DMD: variants seen among roughly 807,000 people sequenced by gnomAD.
DMD encodes the protein dystrophin.
DMD carries 63 observed loss-of-function variants against 330.1 expected under a neutral mutation model. The ratio of observed to expected loss-of-function variants is 0.19; its 90% CI spans 0.16 to 0.24. The LOEUF (loss-of-function observed/expected upper bound fraction) is 0.24, where lower values mean the gene tolerates loss of function less well. Ranked by LOEUF, DMD falls within the 10% of genes least tolerant of loss-of-function variation. The pLI, the probability that DMD is intolerant of heterozygous loss-of-function variation, is 1.00. For synonymous variants in DMD, 1,223 were observed against 959.8 expected (o/e 1.27, Z -5.07); for missense variants, 3,344 against 2,684.1 (o/e 1.25, Z -5.43).
At chrX:31,866,201 G>C (rs2093796689) in intron 48 of DMD, among the ~76,000 whole-genome samples, 1 of 110,934 alleles carries the variant, frequency 9.0e-6, no homozygotes, top group African/African-American at 3.3e-5. Flanking sequence ...ACCCGTACCT[G>C]CTCCATCTCT....
chrX:32,354,305 T>C (rs1208237017), intron 37 of DMD, among the ~76,000 whole-genome samples: 1 of 111,526 alleles, frequency 9.0e-6, no homozygotes, highest in African/African-American at 3.2e-5. Flanking sequence ...CTTTTTCCAT[T>C]CTGCAGCTTT....
intron 1 of DMD, among the ~76,000 whole-genome samples, chrX:33,184,513 C>T (rs745806643): frequency 6.4e-4 from 71 of 110,747 alleles, no homozygotes; most frequent in Middle Eastern, 4.7e-3. Flanking sequence ...TCACTCAAAA[C>T]AATTGTTTAA....
At chrX:32,949,966 A>T (rs1602154003) in intron 2 of DMD, among the ~76,000 whole-genome samples, 1 of 38,333 alleles carries the variant, frequency 2.6e-5, no homozygotes. Context: ...GTGCAGAGGC[A>T]AAAAAAAAAA....
At chrX:32,792,790 A>G (rs1470874453) in intron 7 of DMD, among the ~76,000 whole-genome samples, 1 of 112,355 alleles carries the variant, frequency 8.9e-6, no homozygotes, top group Non-Finnish European at 1.9e-5. Flanking sequence ...CATACACCCA[A>G]CACGAGAGCT....
In DMD at chrX:32,212,231, C is replaced by A. The variant is rs139580632; in HGVS notation, c.6438+4685G>T. Among the ~76,000 whole-genome samples, 244 of 111,830 alleles carry A rather than the reference C, an allele frequency of 2.2e-3. No individual in the cohort carries two copies. In the East Asian group the frequency reaches 0.047, roughly 21 times the overall value. ...TTTTCCTCAATTCCTAATCCAAGAG[C>A]CCTTATGCTTTGAGAAGAAATTATA... On this transcript the variant is annotated intron_variant, in intron 44 of 78. Transcript: ENST00000357033.
intron 61 of DMD, among the ~76,000 whole-genome samples, chrX:31,330,508 G>C (rs992995617): frequency 9.0e-6 from 1 of 111,436 alleles, no homozygotes; most frequent in Non-Finnish European, 1.9e-5. Flanking sequence ...TAGACGGAGG[G>C]GAAGCAAGCA....
intron 61 of DMD, among the ~76,000 whole-genome samples, chrX:31,335,357 TATTC>T (rs2057357758): frequency 8.9e-6 from 1 of 112,565 alleles, no homozygotes; most frequent in South Asian, 3.7e-4. Context: ...AGTGCCCAGT[TATTC>T]ATTCAATCAA....
intron 60 of DMD, among the ~76,000 whole-genome samples, chrX:31,442,433 T>C (rs12689288): frequency 0.06 from 6,700 of 111,284 alleles, 307 homozygotes; most frequent in African/African-American, 0.15. Context: ...CCTGTACTTA[T>C]AACCAAGTTT....
In DMD at chrX:31,859,337, A is replaced by G. The variant is rs144724738; in HGVS notation, c.7098+15851T>C. 6.9e-3 allele frequency among the ~76,000 whole-genome samples: 772 copies of G among 111,943 alleles called. 6 individuals are homozygous for G. The highest frequency in any genetic ancestry group is 0.024 in the African/African-American group (733 of 30,816). ...ATCACTATTTCAGAGTGAGATGATA[A>G]TTTTTTCTCACTGCCCAGTATGGGA... On this transcript the variant is annotated intron_variant, in intron 48 of 78. Transcript: ENST00000357033.
intron 26 of DMD, among the ~76,000 whole-genome samples, chrX:32,451,410 AT>A (rs763245744): frequency 5.1e-4 from 56 of 110,687 alleles, no homozygotes; most frequent in South Asian, 1.9e-3. Flanking sequence ...TTAAAAAAAA[AT>A]AAAACCAGTT....
chrX:31,822,494 T>C (rs2092783444), intron 49 of DMD, among the ~76,000 whole-genome samples: 1 of 111,383 alleles, frequency 9.0e-6, no homozygotes, highest in Non-Finnish European at 1.9e-5. Flanking sequence ...TAGATGGAAG[T>C]GTTTAGAGAA....
chrX:32,625,423 CA>C (rs2058284822), intron 11 of DMD, among the ~76,000 whole-genome samples: 1 of 111,369 alleles, frequency 9.0e-6, no homozygotes, highest in South Asian at 3.8e-4. Context: ...TATTGGACAG[CA>C]CAGCTATAAA....
chrX:31,643,799 T>C (rs969441762), intron 54 of DMD, among the ~76,000 whole-genome samples: 9 of 112,027 alleles, frequency 8.0e-5, no homozygotes, highest in African/African-American at 2.6e-4. Flanking sequence ...ATTAATAGAA[T>C]ATTATGCCTT....
At chrX:31,983,896 A>C (rs1264228057) in intron 44 of DMD, among the ~76,000 whole-genome samples, 1 of 111,585 alleles carries the variant, frequency 9.0e-6, no homozygotes, top group African/African-American at 3.3e-5. Context: ...TATTTGTCCA[A>C]GTTGTCCTGC....
intron 29 of DMD, among the ~76,000 whole-genome samples, chrX:32,424,701 T>C (rs972403598): frequency 1.8e-5 from 2 of 109,225 alleles, no homozygotes; most frequent in Admixed American, 9.9e-5. Context: ...CCCCAAATTA[T>C]GGAGCCGATC....
At chrX:31,449,411 C>A (rs1327605587) in intron 59 of DMD, among the ~76,000 whole-genome samples, 1 of 111,105 alleles carries the variant, frequency 9.0e-6, no homozygotes, top group African/African-American at 3.3e-5. Flanking sequence ...CTGACTTTCT[C>A]ATTTTCTCCA....
chrX:33,258,352 T>C (rs1301918429), intron 1 of DMD, among the ~76,000 whole-genome samples: 1 of 111,137 alleles, frequency 9.0e-6, no homozygotes, highest in South Asian at 3.7e-4. Context: ...AGTGTAAATG[T>C]TTAAAAATAT....
intron 44 of DMD, among the ~76,000 whole-genome samples, chrX:31,994,322 A>T (rs1224541960): frequency 8.9e-6 from 1 of 112,014 alleles, no homozygotes; most frequent in Non-Finnish European, 1.9e-5. Flanking sequence ...TATGCAAACA[A>T]AATTCAGTTG....
intron 44 of DMD, among the ~76,000 whole-genome samples, chrX:32,097,426 G>C (rs1294218694): frequency 9.0e-6 from 1 of 111,198 alleles, no homozygotes; most frequent in African/African-American, 3.3e-5. Flanking sequence ...CAAAGGACAT[G>C]AACTCGTTCT....
Sources: gnomAD v4.1 joint callset for allele counts (sites outside exome capture counted in the v4.1 genomes callset) on GRCh38, gnomAD v4.1.1 for gene constraint, MANE v1.5 for transcripts, NCBI Gene and HGNC (gene_info 2026-07-23, HGNC 2026-07-21) for gene names.